Variants in SVOPL observed in about 807,000 individuals in gnomAD.
The protein encoded by SVOPL is putative transporter SVOPL.
Under a neutral mutation model 61.0 loss-of-function variants are expected in SVOPL, and 60 were observed. That is an observed-to-expected ratio of 0.98 (90% CI 0.80 to 1.22). The LOEUF (loss-of-function observed/expected upper bound fraction) is 1.22, where lower values mean the gene tolerates loss of function less well. Among genes scored for constraint, SVOPL ranks in the 50% most tolerant of loss-of-function variants. The pLI is 0.00. For synonymous variants in SVOPL, 279 were observed against 250.0 expected, an observed-to-expected ratio of 1.12 and a Z score of -1.09; for missense variants, 662 against 643.9, an observed-to-expected ratio of 1.03 and a Z score of -0.30.
Position 138,630,009 on chromosome 7 carries a change from C to T in SVOPL, c.863+40G>A, listed in dbSNP as rs558832185. On this transcript the variant is annotated intron_variant, in intron 10 of 15. Coordinates refer to ENST00000674285, the MANE Select transcript of SVOPL (RefSeq NM_001139456.2). ...TACTTAAATAGGCTTCCTCCCAATG[C>T]CTCTATTTAAAACTAGCTTTGAAAT... 8 of 1,537,046 alleles carry T rather than the reference C, an allele frequency of 5.2e-6. No individual in the cohort carries two copies. In the African/African-American group the frequency reaches 8.2e-5, roughly 16 times the overall value.
intron 1 of SVOPL, among the ~76,000 whole-genome samples, chr7:138,684,852 A>G (rs1802769500): frequency 6.6e-6 from 1 of 152,236 alleles, no homozygotes; most frequent in Non-Finnish European, 1.5e-5. Flanking sequence ...GCCAAAACAT[A>G]AAACAACCCA....
chr7:138,663,648 A>G, intron 4 of SVOPL: 1 of 963,136 alleles, frequency 1.0e-6, no homozygotes, highest in Non-Finnish European at 1.2e-6. Flanking sequence ...TCGTTCTCAC[A>G]ATGGCCTGTC....
At chr7:138,697,241 T>TA (rs1803081988) in intron 1 of SVOPL, among the ~76,000 whole-genome samples, 1 of 151,906 alleles carries the variant, frequency 6.6e-6, no homozygotes, top group Non-Finnish European at 1.5e-5. Context: ...ACTTTAAAAA[T>TA]AAAAAATTTA....
intron 1 of SVOPL, among the ~76,000 whole-genome samples, chr7:138,691,415 A>C (rs1802939742): frequency 6.6e-6 from 1 of 152,208 alleles, no homozygotes; most frequent in Non-Finnish European, 1.5e-5. Context: ...TAACAATCTT[A>C]AAGGTTTACA....
chr7:138,656,567 T>A, intron 6 of SVOPL, 56 bp from the exon 7 acceptor site: 1 of 1,572,908 alleles, frequency 6.4e-7, no homozygotes, highest in Admixed American at 1.7e-5. Context: ...AATCATCTTT[T>A]AAAAAATAAT....
At chr7:138,602,306 A>T (rs1798557790) in intron 14 of SVOPL, among the ~76,000 whole-genome samples, 1 of 152,146 alleles carries the variant, frequency 6.6e-6, no homozygotes, top group Non-Finnish European at 1.5e-5. Context: ...TAAAATGCAA[A>T]CAATGTATTC....
intron 14 of SVOPL, among the ~76,000 whole-genome samples, chr7:138,606,101 C>T (rs1364645507): frequency 6.6e-6 from 1 of 151,730 alleles, no homozygotes; most frequent in Non-Finnish European, 1.5e-5. Flanking sequence ...GCCGGGAACA[C>T]AAAAATTAGC....
At chr7:138,659,510 T>G (rs1348007690) in intron 6 of SVOPL, among the ~76,000 whole-genome samples, 1 of 149,866 alleles carries the variant, frequency 6.7e-6, no homozygotes, top group Non-Finnish European at 1.5e-5. Context: ...AAAAAAAAAT[T>G]AATATGTTAA....
intron 1 of SVOPL, among the ~76,000 whole-genome samples, chr7:138,682,177 A>G (rs1206575770): frequency 6.6e-6 from 1 of 152,202 alleles, no homozygotes; most frequent in Non-Finnish European, 1.5e-5. Flanking sequence ...ACCTTCTAAA[A>G]AAATAATGGA....
intron 7 of SVOPL, among the ~76,000 whole-genome samples, chr7:138,654,503 T>G (rs1037637616): frequency 6.8e-6 from 1 of 146,034 alleles, no homozygotes; most frequent in African/African-American, 2.6e-5. Flanking sequence ...TGAGTTTGTT[T>G]TTTTTTTTTT....
chr7:138,697,997 G>A (rs1803108487), intron 1 of SVOPL, among the ~76,000 whole-genome samples: 1 of 150,876 alleles, frequency 6.6e-6, no homozygotes, highest in Admixed American at 6.7e-5. Context: ...GACAGAGGAA[G>A]GGAGGAAAGA....
intron 1 of SVOPL, among the ~76,000 whole-genome samples, chr7:138,683,556 C>T (rs767014112): frequency 1.3e-5 from 2 of 151,896 alleles, no homozygotes; most frequent in African/African-American, 4.8e-5. Flanking sequence ...TTAGTAGAGA[C>T]GTACGTTTCT....
chr7:138,660,936 G>A (rs1801973793), intron 5 of SVOPL: 2 of 983,932 alleles, frequency 2.0e-6, no homozygotes. Context: ...ATTTGATAAG[G>A]AAAAATTATA....
At chr7:138,650,062 T>C (rs1801343025) in intron 7 of SVOPL, among the ~76,000 whole-genome samples, 2 of 152,116 alleles carry the variant, frequency 1.3e-5, no homozygotes, top group African/African-American at 2.4e-5. Context: ...AAACTCCTGA[T>C]CTCGTGATCT....
intron 5 of SVOPL, chr7:138,661,339 T>A (rs181213784): frequency 1.0e-6 from 1 of 985,458 alleles, no homozygotes; most frequent in East Asian, 1.1e-4. Flanking sequence ...CTTATGTTTA[T>A]ACCTGCAAAT....
intron 7 of SVOPL, among the ~76,000 whole-genome samples, chr7:138,653,760 C>T (rs1188942448): frequency 6.6e-6 from 1 of 152,010 alleles, no homozygotes; most frequent in Non-Finnish European, 1.5e-5. Context: ...GTGGTGAAAC[C>T]ATGTCTCACT....
intron 14 of SVOPL, among the ~76,000 whole-genome samples, chr7:138,615,776 C>A (rs932806483): frequency 6.1e-5 from 9 of 146,900 alleles, no homozygotes; most frequent in Non-Finnish European, 7.5e-5. Context: ...GCCTGGGCGA[C>A]AGAGTGAGAC....
intron 7 of SVOPL, among the ~76,000 whole-genome samples, chr7:138,650,004 G>A (rs1801339708): frequency 6.6e-6 from 1 of 151,980 alleles, no homozygotes; most frequent in Non-Finnish European, 1.5e-5. Flanking sequence ...GCTAATTTTT[G>A]TGTTTTTAGT....
intron 12 of SVOPL, among the ~76,000 whole-genome samples, chr7:138,626,252 T>C (rs926735847): frequency 2.6e-5 from 4 of 152,086 alleles, no homozygotes; most frequent in African/African-American, 9.7e-5. Flanking sequence ...CCTTCTCCAT[T>C]CCCCAACGCT....
Sources: allele counts gnomAD v4.1 joint callset (sites outside exome capture counted in the v4.1 genomes callset), GRCh38; gene constraint gnomAD v4.1.1; transcripts MANE v1.5; gene names NCBI Gene and HGNC (gene_info 2026-07-23, HGNC 2026-07-21).